Variants in CXADR observed in about 807,000 individuals in gnomAD.
CXADR encodes the protein coxsackievirus and adenovirus receptor.
A neutral mutation model predicts 40.3 loss-of-function variants in CXADR; 20 were observed. The observed-to-expected ratio is 0.50, with a 90% CI of 0.35 to 0.72. The LOEUF is 0.72. Ranked by LOEUF, CXADR falls within the 30% of genes least tolerant of loss-of-function variation. The pLI is 0.01. For synonymous variants in CXADR, 150 were observed against 161.3 expected (o/e 0.93, Z 0.53); for missense variants, 332 against 449.1 (o/e 0.74, Z 2.36).
downstream of CXADR, among the ~76,000 whole-genome samples, chr21:17,572,326 C>T (rs1434051414): frequency 4.0e-5 from 6 of 151,066 alleles, no homozygotes; most frequent in Admixed American, 1.3e-4. Flanking sequence ...GCCGAGATCG[C>T]GCCACTGCAC....
downstream of CXADR, chr21:17,594,078 C>T (rs766266852): frequency 6.2e-7 from 1 of 1,610,302 alleles, no homozygotes; most frequent in Admixed American, 1.7e-5. Flanking sequence ...GACACCAACA[C>T]AATCAAAAAC....
chr21:17,552,957 CTG>C (rs1213451369), intron 3 of CXADR, among the ~76,000 whole-genome samples: 1 of 152,128 alleles, frequency 6.6e-6, no homozygotes, highest in Non-Finnish European at 1.5e-5. Flanking sequence ...GAGTCACACT[CTG>C]TTACCCAGGC....
chr21:17,524,838 G>T (rs796247298), intron 1 of CXADR, among the ~76,000 whole-genome samples: 30 of 152,154 alleles, frequency 2.0e-4, no homozygotes, highest in African/African-American at 7.0e-4. Flanking sequence ...GAGCCCAGGA[G>T]GTCAAGGCTG....
At position 17,568,089 on chromosome 21, in the gene CXADR, G is replaced by A. The variant is rs890390909; in HGVS notation, c.*2397G>A. On this transcript the variant is annotated 3_prime_UTR_variant, in exon 7 of 7. Transcript: ENST00000284878. Reference sequence around the variant, plus strand: ...AGTAGTTGAACAAAAAATTACTAAAGCATTTCCGTTAGATCAGTCAAGGAC... The same window carrying A: ...AGTAGTTGAACAAAAAATTACTAAAACATTTCCGTTAGATCAGTCAAGGAC... 1.1e-5 allele frequency: 9 copies of A among 819,440 alleles called. No individual in the cohort carries two copies. The East Asian group carries it at 1.0e-3, about 95-fold the overall frequency. 50.8% of individuals were successfully genotyped at this position (819,440 alleles called of 1,614,324 possible).
At chr21:17,529,649 G>A (rs995376246) in intron 1 of CXADR, among the ~76,000 whole-genome samples, 5 of 152,140 alleles carry the variant, frequency 3.3e-5, no homozygotes, top group Middle Eastern at 3.2e-3. Context: ...CATTAATAAA[G>A]CGTTAGAACA....
the CXADR span, chr21:17,609,162 T>TA: frequency 6.3e-7 from 1 of 1,599,576 alleles, no homozygotes; most frequent in Non-Finnish European, 8.5e-7. Flanking sequence ...CCTGCAAAGA[T>TA]AAAACATGTT....
intron 1 of CXADR, among the ~76,000 whole-genome samples, chr21:17,514,339 C>A (rs936755589): frequency 7.9e-5 from 12 of 152,030 alleles, no homozygotes; most frequent in African/African-American, 2.7e-4. Context: ...GATCAACATT[C>A]TATTAGCAAG....
chr21:17,612,514 C>G, the CXADR span: 1 of 152,150 alleles, frequency 6.6e-6, no homozygotes, highest in Admixed American at 6.5e-5. Context: ...GCCCTCGCGG[C>G]CCGCAGCCCC....
At position 17,565,857 on chromosome 21, in the gene CXADR, C is replaced by A; in HGVS notation, c.*165C>A. 1.5e-6 allele frequency: 2 copies of A among 1,313,918 alleles called. No homozygotes were observed. The highest frequency in any genetic ancestry group is 9.7e-7 in the Non-Finnish European group (1 of 1,029,796). The allele number at this position is 1,313,918 out of a possible 1,614,324, so 81.4% of individuals were successfully genotyped here. A position where few individuals can be genotyped will look rare whatever the true frequency, so the allele number is the denominator to read the frequency against. On this transcript the variant is annotated 3_prime_UTR_variant, in exon 7 of 7. Transcript: ENST00000284878. ...TTTAAAAATTTTTGTTTGGTTATAT[C>A]GAAATAGTTACAGGCACTAAAGTTA...
At chr21:17,617,407 G>A in the CXADR span, among the ~76,000 whole-genome samples, 1 of 152,050 alleles carries the variant, frequency 6.6e-6, no homozygotes. Flanking sequence ...CTTTATTTTA[G>A]TATATGTGCT....
intron 1 of CXADR, among the ~76,000 whole-genome samples, chr21:17,534,016 A>G (rs1405920554): frequency 7.7e-6 from 1 of 129,754 alleles, no homozygotes; most frequent in Admixed American, 8.1e-5. Flanking sequence ...CAATATATAT[A>G]TATATATATA....
At chr21:17,536,203 G>C (rs1484238711) in intron 1 of CXADR, among the ~76,000 whole-genome samples, 2 of 152,118 alleles carry the variant, frequency 1.3e-5, no homozygotes. Context: ...TGTGATTTTA[G>C]AGTATCCACA....
At chr21:17,561,231 T>C (rs1214774700) in intron 5 of CXADR, 107 bp from the exon 6 acceptor site, 1 of 566,954 alleles carries the variant, frequency 1.8e-6, no homozygotes, top group Non-Finnish European at 2.5e-6. Context: ...ATAATTTGTC[T>C]TAAAGTTAAC....
rs61221300 is a variant in CXADR at position 17,564,216 on chromosome 21, G to A, written c.834-1212G>A. Among the ~76,000 whole-genome samples, 1,256 of 151,324 alleles carry A rather than the reference G, an allele frequency of 8.3e-3. 71 individuals are homozygous for A. The East Asian group carries it at 0.16, about 19-fold the overall frequency. ...AGTCCCTGATATAAAATGGCGGCCA[G>A]GCGCAGTGACTCACGCCTGTAATCC... is the stretch of plus-strand genomic sequence containing the variant. On this transcript the variant is annotated intron_variant, in intron 6 of 6. Transcript: ENST00000284878.
At chr21:17,570,184 T>C (rs928752591), downstream of CXADR, 15 of 985,294 alleles carry the variant, frequency 1.5e-5, no homozygotes, top group Non-Finnish European at 1.8e-5. Flanking sequence ...CTGCTTGCTG[T>C]GTCATGGTTT....
intron 1 of CXADR, among the ~76,000 whole-genome samples, chr21:17,535,371 A>G (rs2060741761): frequency 6.6e-6 from 1 of 151,308 alleles, no homozygotes; most frequent in Admixed American, 6.6e-5. Context: ...TAATTTTTTT[A>G]TTTTTTTGTA....
the CXADR span, among the ~76,000 whole-genome samples, chr21:17,630,261 G>T: frequency 1.3e-5 from 2 of 152,100 alleles, no homozygotes; most frequent in East Asian, 3.8e-4. Flanking sequence ...CAAAAATAGA[G>T]AGCAAAGCAC....
At chr21:17,595,226 C>T (rs948177881), downstream of CXADR, among the ~76,000 whole-genome samples, 1 of 151,978 alleles carries the variant, frequency 6.6e-6, no homozygotes, top group Non-Finnish European at 1.5e-5. Context: ...CAGTTTTAGA[C>T]CTCTCTGCTT....
In CXADR at chr21:17,547,088, A is replaced by G. The variant is rs760920900; in HGVS notation, c.105A>G (p.Glu35=). 3.7e-6 allele frequency: 6 copies of G among 1,613,938 alleles called. 1 individual carries two copies. The South Asian group carries it at 6.6e-5, about 18-fold the overall frequency. ...AGATGATTGAAAAAGCCAAAGGGGA[A>G]ACTGCCTATCTGCCATGCAAATTTA... The part of the protein sequence containing the change: ...PEEMIEKAKG[E]TAYLPCKFTL... The change falls in exon 2 of 7, where the codon GAA becomes GAG. Residue 35 remains glutamate, a synonymous_variant. Transcript: ENST00000284878.
Sources: allele counts gnomAD v4.1 joint callset (sites outside exome capture counted in the v4.1 genomes callset), GRCh38; gene constraint gnomAD v4.1.1; transcripts MANE v1.5; gene names NCBI Gene and HGNC (gene_info 2026-07-23, HGNC 2026-07-21).